MARCHF8: variants seen among roughly 807,000 people sequenced by gnomAD.
MARCHF8 encodes E3 ubiquitin-protein ligase MARCHF8.
MARCHF8 carries 40 observed loss-of-function variants against 51.6 expected under a neutral mutation model. That is an observed-to-expected ratio of 0.77 (90% CI 0.60 to 1.01). MARCHF8 has a LOEUF of 1.01. Among genes scored for constraint, MARCHF8 ranks in the 50% least tolerant of loss-of-function variants. The probability of loss-of-function intolerance (pLI) is 0.00; values close to 1 mark genes in which losing one functional copy is unlikely to be tolerated. For missense variants in MARCHF8, 685 were observed against 708.6 expected (o/e 0.97, Z 0.38); for synonymous variants, 263 against 280.3 (o/e 0.94, Z 0.62).
At chr10:45,558,612 T>A (rs1397309324) in intron 1 of MARCHF8, among the ~76,000 whole-genome samples, 1 of 152,190 alleles carries the variant, frequency 6.6e-6, no homozygotes, top group Non-Finnish European at 1.5e-5. Context: ...AACCAAACGA[T>A]CTTTGCACTG....
chr10:45,492,826 T>C (rs2043109037), intron 2 of MARCHF8, among the ~76,000 whole-genome samples: 1 of 152,232 alleles, frequency 6.6e-6, no homozygotes, highest in Non-Finnish European at 1.5e-5. Context: ...AATCCCTTAT[T>C]TGAAATGCTT....
intron 1 of MARCHF8, among the ~76,000 whole-genome samples, chr10:45,572,932 C>A (rs1416365701): frequency 6.6e-6 from 1 of 152,058 alleles, no homozygotes; most frequent in East Asian, 1.9e-4. Context: ...TATCACCTCC[C>A]CCTCCTCACA....
At chr10:45,578,691 G>T (rs927800302) in intron 1 of MARCHF8, among the ~76,000 whole-genome samples, 2 of 152,198 alleles carry the variant, frequency 1.3e-5, no homozygotes, top group Non-Finnish European at 2.9e-5. Context: ...CCAACTGTTT[G>T]ATGTTATCAG....
At chr10:45,489,662 A>T (rs2043047469) in intron 2 of MARCHF8, among the ~76,000 whole-genome samples, 1 of 152,214 alleles carries the variant, frequency 6.6e-6, no homozygotes, top group African/African-American at 2.4e-5. Context: ...ATTTTTTATT[A>T]TCAGGAAAAA....
intron 1 of MARCHF8, among the ~76,000 whole-genome samples, chr10:45,575,214 A>G (rs1033191897): frequency 4.6e-5 from 7 of 152,066 alleles, no homozygotes; most frequent in African/African-American, 1.4e-4. Flanking sequence ...TAGGGCAACT[A>G]AAAAAAGCAG....
At chr10:45,488,865 C>T (rs556721056) in intron 3 of MARCHF8, among the ~76,000 whole-genome samples, 1 of 152,236 alleles carries the variant, frequency 6.6e-6, no homozygotes, top group African/African-American at 2.4e-5. Flanking sequence ...CTTTTATTCC[C>T]GCCTTCACCC....
rs2042816008 is a variant in MARCHF8, at chr10:45,477,925, T to C, written c.153+11442A>G. Among the ~76,000 whole-genome samples the C allele has an allele frequency of 2.6e-5, 4 of 152,138 alleles. No individual in the cohort carries two copies. The South Asian group carries it at 8.3e-4, about 32-fold the overall frequency. On this transcript the variant is annotated intron_variant, in intron 3 of 7. Coordinates refer to ENST00000453424, the MANE Select transcript of MARCHF8 (RefSeq NM_001282866.2). ...AGCACTCAGATGTATAAAGCAAATA[T>C]TATTAAATCTAAAGGGAGAGACAGA... is the stretch of plus-strand genomic sequence containing the variant.
At chr10:45,554,594 G>A (rs893414022) in intron 1 of MARCHF8, among the ~76,000 whole-genome samples, 41 of 152,158 alleles carry the variant, frequency 2.7e-4, no homozygotes, top group African/African-American at 9.9e-4. Context: ...TGACCCAGGA[G>A]CTAATGTGAA....
chr10:45,466,693 GGGAGGA>G (rs1842980180), intron 3 of MARCHF8, among the ~76,000 whole-genome samples: 1 of 152,170 alleles, frequency 6.6e-6, no homozygotes, highest in African/African-American at 2.4e-5. Flanking sequence ...AAACCCTGTT[GGGAGGA>G]GGTAAGGTCT....
At chr10:45,541,005 G>T (rs2044044185) in intron 1 of MARCHF8, among the ~76,000 whole-genome samples, 2 of 152,232 alleles carry the variant, frequency 1.3e-5, no homozygotes, top group African/African-American at 2.4e-5. Context: ...GTGGAAGTCA[G>T]TGTGGCGATT....
chr10:45,573,383 G>GT lies in MARCHF8; in HGVS notation c.-79+20851dup, dbSNP rs199606343. On this transcript the variant is annotated intron_variant, in intron 1 of 6. Coordinates refer to the MARCHF8 transcript ENST00000319836. The stretch of plus-strand genomic sequence containing the variant: ...TGAGTTGCAATTCCTTGCCTCCACT[G>GT]TGAGAAAAACCCCAGCCACATCTCC... Among the ~76,000 whole-genome samples the GT allele has an allele frequency of 7.6e-3, 1,162 of 152,268 alleles. 10 individuals carry two copies. Among genetic ancestry groups the GT allele is most frequent in the African/African-American group, 0.027 (1,111 of 41,544 alleles).
At chr10:45,538,137 G>C (rs1202104950), upstream of MARCHF8, among the ~76,000 whole-genome samples, 3 of 152,154 alleles carry the variant, frequency 2.0e-5, no homozygotes, top group Non-Finnish European at 4.4e-5. Context: ...AACTCTACAA[G>C]CCAGAAAAGA....
At chr10:45,509,860 G>C (rs2043461793) in intron 2 of MARCHF8, among the ~76,000 whole-genome samples, 1 of 152,168 alleles carries the variant, frequency 6.6e-6, no homozygotes, top group Admixed American at 6.5e-5. Flanking sequence ...AAGATCACTA[G>C]TAACAAGAGG....
At chr10:45,584,360 T>C (rs988888783) in intron 1 of MARCHF8, among the ~76,000 whole-genome samples, 4 of 151,808 alleles carry the variant, frequency 2.6e-5, no homozygotes, top group Admixed American at 6.6e-5. Flanking sequence ...AAATTATTTA[T>C]GTAAAACTTT....
At chr10:45,547,372 A>G (rs2044139959) in intron 1 of MARCHF8, among the ~76,000 whole-genome samples, 1 of 152,144 alleles carries the variant, frequency 6.6e-6, no homozygotes, top group Non-Finnish European at 1.5e-5. Flanking sequence ...AGAGAAATTA[A>G]TCAACTTGCC....
intron 2 of MARCHF8, among the ~76,000 whole-genome samples, chr10:45,494,309 C>G (rs1165488860): frequency 1.3e-5 from 2 of 152,098 alleles, no homozygotes; most frequent in African/African-American, 2.4e-5. Context: ...AAGTAGAAAC[C>G]AATAATTATC....
intron 1 of MARCHF8, among the ~76,000 whole-genome samples, chr10:45,579,650 T>A (rs1036979256): frequency 1.2e-4 from 19 of 152,162 alleles, no homozygotes; most frequent in Non-Finnish European, 1.5e-5. Context: ...ACTCAACACC[T>A]TGCTAGTGGA....
At position 45,464,235 on chromosome 10, in the gene MARCHF8, T is replaced by G; in HGVS notation, c.242+4A>C. ...TCATGGCAGCATCTGAAGCAGAGTG[T>G]TACCTGCAGATGTCCTGGCTGGATG... On this transcript the variant is annotated splice_donor_region_variant and intron_variant, in intron 4 of 7. Coordinates refer to ENST00000453424, the MANE Select transcript of MARCHF8 (RefSeq NM_001282866.2). 1 of 1,613,488 alleles carries G rather than the reference T, an allele frequency of 6.2e-7. No individual in the cohort carries two copies. Among genetic ancestry groups the G allele is most frequent in the Non-Finnish European group, 8.5e-7 (1 of 1,179,426 alleles).
upstream of MARCHF8, among the ~76,000 whole-genome samples, chr10:45,540,212 T>C (rs1244813359): frequency 3.3e-5 from 5 of 152,134 alleles, no homozygotes; most frequent in East Asian, 3.8e-4. Flanking sequence ...TTAAAGTTCA[T>C]ATGGAACCAA....
Sources: allele counts gnomAD v4.1 joint callset (sites outside exome capture counted in the v4.1 genomes callset), GRCh38; gene constraint gnomAD v4.1.1; transcripts MANE v1.5; gene names NCBI Gene and HGNC (gene_info 2026-07-23, HGNC 2026-07-21).